The following CARD10 variants were observed in gnomAD, a reference collection of about 807,000 sequenced individuals.
CARD10 encodes caspase recruitment domain-containing protein 10.
In CARD10, 49 loss-of-function variants were observed where a neutral mutation model predicts 114.6. The ratio of observed to expected loss-of-function variants is 0.43; its 90% CI spans 0.34 to 0.54. The LOEUF is 0.54. CARD10 is among the 20% of genes least tolerant of loss of function. The probability of loss-of-function intolerance (pLI) is 0.03; values close to 1 mark genes in which losing one functional copy is unlikely to be tolerated. For synonymous variants in CARD10, 602 were observed against 593.2 expected, an observed-to-expected ratio of 1.01 and a Z score of -0.21; for missense variants, 1,206 against 1,397.2, an observed-to-expected ratio of 0.86 and a Z score of 2.18.
In CARD10 at chr22:37,508,494, C is replaced by T. The variant is rs1397545863; in HGVS notation, c.1065+33G>A. On this transcript the variant is annotated intron_variant, in intron 5 of 19. Coordinates refer to ENST00000251973, the MANE Select transcript of CARD10 (RefSeq NM_014550.4). ...ACACAGGCCCTGCCTGACACCCTCCCGCACAAGGGGCAGGGCACGGGCAGG... is the reference window on the plus strand; with the variant it reads ...ACACAGGCCCTGCCTGACACCCTCCTGCACAAGGGGCAGGGCACGGGCAGG... The T allele has an allele frequency of 7.1e-6, 11 of 1,557,230 alleles. No individual in the cohort carries two copies. The East Asian group carries it at 1.6e-4, about 23-fold the overall frequency.
chr22:37,514,796 C>T (rs738300), intron 3 of CARD10: 75,802 of 151,970 alleles, frequency 0.5, 20,043 homozygotes, highest in African/African-American at 0.69. Context: ...GCCGTGCGGC[C>T]TGCACTGCTA....
At position 37,491,739 on chromosome 22, in the gene CARD10, C is replaced by A. The variant is rs1307652102; in HGVS notation, c.2864+16G>T. ...GGTCCGAGTGCCCTGCCCACTGCCC[C>A]ACCCACCCACCTCACCTGACTTCCC... On this transcript the variant is annotated intron_variant, in intron 19 of 19. Coordinates refer to ENST00000251973, the MANE Select transcript of CARD10 (RefSeq NM_014550.4). 8.2e-6 allele frequency: 10 copies of A among 1,213,444 alleles called. 1 individual carries two copies. Among genetic ancestry groups the A allele is most frequent in the Admixed American group, 1.7e-5 (1 of 57,950 alleles). 75.2% of individuals were successfully genotyped at this position (1,213,444 alleles called of 1,614,324 possible). A position where few individuals can be genotyped will look rare whatever the true frequency, so the allele number is the denominator to read the frequency against.
intron 1 of CARD10, 124 bp downstream of exon 1, chr22:37,518,842 T>A: frequency 1.6e-6 from 2 of 1,232,502 alleles, no homozygotes; most frequent in Admixed American, 5.9e-5. Context: ...GCCGGCCCAC[T>A]CTACTGATGC....
In CARD10 at chr22:37,496,036, G is replaced by C; in HGVS notation, c.2060-33C>G. 1 of 1,608,110 alleles carries C rather than the reference G, an allele frequency of 6.2e-7. No homozygotes were observed. Among genetic ancestry groups the C allele is most frequent in the Non-Finnish European group, 8.5e-7 (1 of 1,176,084 alleles). On this transcript the variant is annotated intron_variant, in intron 13 of 19. Transcript: ENST00000251973. The surrounding 1 kb of genome is among the most constrained non-coding windows in gnomAD (Gnocchi z 4.1). ...TGGATGGGGCAGGGGGCAGCAAGGA[G>C]GACAAGAGGAGGATGGTGAGGTCCA...
chr22:37,505,052 T>C (rs1253627095), intron 7 of CARD10, among the ~76,000 whole-genome samples: 1 of 152,162 alleles, frequency 6.6e-6, no homozygotes, highest in African/African-American at 2.4e-5. Flanking sequence ...TGGTTTGAAC[T>C]GAGAACTCAA....
In CARD10 at chr22:37,495,517, A is replaced by G; in HGVS notation, c.2373T>C (p.Asn791=). 1 of 1,610,374 alleles carries G rather than the reference A, an allele frequency of 6.2e-7. No homozygotes were observed. Among genetic ancestry groups the G allele is most frequent in the Non-Finnish European group, 8.5e-7 (1 of 1,178,856 alleles). The change falls in exon 15 of 20, where the codon AAT becomes AAC. Residue 791 remains asparagine (N), a splice_region_variant and synonymous_variant. Coordinates refer to ENST00000251973, the MANE Select transcript of CARD10 (RefSeq NM_014550.4). Reference sequence around the variant, plus strand: ...CCACTACCTGCCCAGCCGTGCTCACATTACTGCGGGGGCCTCGGTGCCGGC... The same window carrying G: ...CCACTACCTGCCCAGCCGTGCTCACGTTACTGCGGGGGCCTCGGTGCCGGC... ...PSSRHRGPRS[N]LKKRALDQLR... is the part of the protein sequence containing the mutation.
At position 37,501,410 on chromosome 22, in the gene CARD10, T is replaced by C. The variant is rs1256907202; in HGVS notation, c.1787+1192A>G. ...GCAGGAAGGGAGGCGCCTCCACCCCTTCCCCGAGAAGCACGTCCTGCACAG... is the reference window on the plus strand; with the variant it reads ...GCAGGAAGGGAGGCGCCTCCACCCCCTCCCCGAGAAGCACGTCCTGCACAG... On this transcript the variant is annotated intron_variant, in intron 11 of 19. Coordinates refer to ENST00000251973, the MANE Select transcript of CARD10 (RefSeq NM_014550.4). This position sits in a 1 kb window ranked among gnomAD's most constrained non-coding sequence, Gnocchi z 5.4. Among the ~76,000 whole-genome samples the C allele has an allele frequency of 1.3e-5, 2 of 151,708 alleles. No homozygotes were observed. Among genetic ancestry groups the C allele is most frequent in the African/African-American group, 4.8e-5 (2 of 41,262 alleles).
rs556148226 is a variant in CARD10, at chr22:37,492,346, G to A, written c.2751+89C>T. On this transcript the variant is annotated intron_variant, in intron 18 of 19. Coordinates refer to ENST00000251973, the MANE Select transcript of CARD10 (RefSeq NM_014550.4). The surrounding 1 kb of genome is among the most constrained non-coding windows in gnomAD (Gnocchi z 5.7). ...GCCAGTGAGCAGCAGAGCATGGCCC[G>A]CGCTCAGACGCTGGCGCTCAAGCCC... 197 of 977,862 alleles carry A rather than the reference G, an allele frequency of 2.0e-4. No individual in the cohort carries two copies. Among genetic ancestry groups the A allele is most frequent in the East Asian group, 3.3e-4 (13 of 39,896 alleles). 60.6% of individuals were successfully genotyped at this position (977,862 alleles called of 1,614,324 possible).
intron 2 of CARD10, among the ~76,000 whole-genome samples, chr22:37,517,566 T>G (rs1923881577): frequency 6.6e-6 from 1 of 151,880 alleles, no homozygotes; most frequent in Non-Finnish European, 1.5e-5. Context: ...CGCTTGAACC[T>G]GGGAGGCGGA....
At chr22:37,517,577 G>A (rs550325857) in intron 2 of CARD10, among the ~76,000 whole-genome samples, 16 of 152,150 alleles carry the variant, frequency 1.1e-4, no homozygotes, top group Non-Finnish European at 1.6e-4. Flanking sequence ...GGGAGGCGGA[G>A]GTTGCAGTGA....
chr22:37,517,499 G>A (rs1923878649), intron 2 of CARD10, among the ~76,000 whole-genome samples: 1 of 152,134 alleles, frequency 6.6e-6, no homozygotes. Flanking sequence ...AAAATTAGCA[G>A]GGCGTGGTGG....
At position 37,493,436 on chromosome 22, in the gene CARD10, C is replaced by A. The variant is rs569660151; in HGVS notation, c.2477-634G>T. On this transcript the variant is annotated intron_variant, in intron 16 of 19. Transcript: ENST00000251973. ...TAGGTGGGATTATCTGACTCTCTAC[C>A]CCCTAATTAGACAGCAAGCTCCATG... Among the ~76,000 whole-genome samples, 37 of 152,316 alleles carry A rather than the reference C, an allele frequency of 2.4e-4. No homozygotes were observed. The South Asian group carries it at 7.7e-3, about 32-fold the overall frequency.
chr22:37,493,802 C>T (rs1197082159), intron 16 of CARD10, among the ~76,000 whole-genome samples: 1 of 152,194 alleles, frequency 6.6e-6, no homozygotes. Context: ...AGCACCACTA[C>T]ACACACTCTG....
chr22:37,491,212 C>G lies in CARD10; in HGVS notation c.3046G>C (p.Val1016Leu). Residue 1016 changes from valine to leucine, a missense_variant, in exon 20 of 20, where the codon GTG (valine) becomes CTG (leucine). Val to Leu is a conservative substitution (Grantham distance 32). Around this residue, in one of 2 missense-constraint regions of CARD10, gnomAD observed 1,068 missense variants for 1,179.1 expected, o/e 0.91. Coordinates refer to ENST00000251973, the MANE Select transcript of CARD10 (RefSeq NM_014550.4). The stretch of plus-strand genomic sequence containing the variant: ...CTGCTGCTGCCGCACTCCACCCACA[C>G]GAGGCGGGCCTGCTCCTGCAGGATG... ...GRILQEQARL[V>L]WVECGSSRGC... is the part of the protein sequence containing the mutation. 1.9e-6 allele frequency: 3 copies of G among 1,571,670 alleles called. No homozygotes were observed. The highest frequency in any genetic ancestry group is 1.3e-5 in the African/African-American group (1 of 74,278).
intron 11 of CARD10, among the ~76,000 whole-genome samples, chr22:37,500,723 C>G (rs916786186): frequency 1.3e-5 from 2 of 152,184 alleles, no homozygotes; most frequent in African/African-American, 4.8e-5. Context: ...GACTTGGGAC[C>G]AATTTCTAAC....
intron 7 of CARD10, among the ~76,000 whole-genome samples, chr22:37,505,275 TAA>T (rs35364224): frequency 5.7e-4 from 81 of 141,726 alleles, no homozygotes; most frequent in Non-Finnish European, 5.1e-4. Context: ...CACTGGGGGT[TAA>T]AAAAAAAAAA....
chr22:37,507,159 A>G lies in CARD10; in HGVS notation c.1191+670T>C, dbSNP rs972278990. Among the ~76,000 whole-genome samples the G allele has an allele frequency of 4.6e-5, 7 of 152,126 alleles. No homozygotes were observed. In the South Asian group the frequency reaches 1.5e-3, roughly 32 times the overall value. ...CCAGGAATGGTGGCATGCCTGTAAT[A>G]CCAGCTACTTGGGAGGCTGAGGCAG... On this transcript the variant is annotated intron_variant, in intron 6 of 19. Transcript: ENST00000251973.
At position 37,507,694 on chromosome 22, in the gene CARD10, T is replaced by C. The variant is rs563850764; in HGVS notation, c.1191+135A>G. On this transcript the variant is annotated intron_variant, in intron 6 of 19. Coordinates refer to ENST00000251973, the MANE Select transcript of CARD10 (RefSeq NM_014550.4). Reference sequence around the variant, plus strand: ...TCTCCTGTCTGGTTCCCCCAGCCTTTGTGCCCCGTCCTAACCCAACAGGGA... The same window carrying C: ...TCTCCTGTCTGGTTCCCCCAGCCTTCGTGCCCCGTCCTAACCCAACAGGGA... 2.4e-4 allele frequency: 263 copies of C among 1,107,506 alleles called. No individual in the cohort carries two copies. In the African/African-American group the frequency reaches 3.3e-3, roughly 14 times the overall value. The allele number at this position is 1,107,506 out of a possible 1,614,324, so 68.6% of individuals were successfully genotyped here. A position where few individuals can be genotyped will look rare whatever the true frequency, so the allele number is the denominator to read the frequency against.
At position 37,517,956 on chromosome 22, in the gene CARD10, C is replaced by A. The variant is rs186426160; in HGVS notation, c.373+15G>T. ...TGGAGTCCGAGGTGCCAGCATCCAC[C>A]GCAGATCCACTCACCGAGGATCATG... On this transcript the variant is annotated intron_variant, in intron 2 of 19. Transcript: ENST00000251973. 6.2e-7 allele frequency: 1 copy of A among 1,611,262 alleles called. No individual in the cohort carries two copies. The highest frequency in any genetic ancestry group is 1.7e-5 in the Admixed American group (1 of 59,954).
Sources: gnomAD v4.1 joint callset for allele counts (sites outside exome capture counted in the v4.1 genomes callset) on GRCh38, gnomAD v4.1.1 for gene constraint, gnomAD v4.1.1 regional missense constraint, Gnocchi (gnomAD v3.1) non-coding constraint, MANE v1.5 for transcripts, NCBI Gene and HGNC (gene_info 2026-07-23, HGNC 2026-07-21) for gene names.